The following TOGARAM1 variants were observed in gnomAD, a reference collection of about 807,000 sequenced individuals.
TOGARAM1 encodes TOG array regulator of axonemal microtubules protein 1.
TOGARAM1 carries 100 observed loss-of-function variants against 166.6 expected under a neutral mutation model. The observed-to-expected ratio is 0.60, with a 90% confidence interval of 0.51 to 0.71. The LOEUF is 0.71. Ranked by LOEUF, TOGARAM1 falls within the 30% of genes least tolerant of loss-of-function variation. The probability of loss-of-function intolerance (pLI) is 0.00; values close to 1 mark genes in which losing one functional copy is unlikely to be tolerated. For synonymous variants in TOGARAM1, 758 were observed against 763.8 expected (o/e 0.99, Z 0.13); for missense variants, 2,029 against 2,102.7 (o/e 0.96, Z 0.69).
At chr14:45,045,557 ATATATATATATATATATATATATATATG>A (rs1881959190) in intron 13 of TOGARAM1, among the ~76,000 whole-genome samples, 1 of 33,952 alleles carries the variant, frequency 2.9e-5, no homozygotes, top group Non-Finnish European at 4.8e-5. Context: ...ATATATATAT[ATATATATATATATATATATATATATATG>A]TGTGTGTGTG....
At position 45,073,651 on chromosome 14, in the gene TOGARAM1, T is replaced by G; in HGVS notation, c.*90T>G. ...AAGTTATGTTATCAGTGCCTGCACT[T>G]CACATCCAGCAAATTAAGTCAATGG... On this transcript the variant is annotated 3_prime_UTR_variant, in exon 20 of 20. Coordinates refer to ENST00000361462, the MANE Select transcript of TOGARAM1 (RefSeq NM_001308120.2). 8.1e-7 allele frequency: 1 copy of G among 1,229,188 alleles called. No individual in the cohort carries two copies. Among genetic ancestry groups the G allele is most frequent in the Admixed American group, 2.5e-5 (1 of 40,428 alleles). The allele number at this position is 1,229,188 out of a possible 1,614,324, so 76.1% of individuals were successfully genotyped here.
chr14:44,984,636 G>A (rs184420743), intron 1 of TOGARAM1, among the ~76,000 whole-genome samples: 6 of 151,696 alleles, frequency 4.0e-5, no homozygotes, highest in Admixed American at 1.3e-4. Context: ...TTAGCTGGGC[G>A]TGGTAGTGAG....
rs745649999 is a variant in TOGARAM1 at position 44,962,347 on chromosome 14, T to C, written c.-75T>C. 3 of 1,472,000 alleles carry C rather than the reference T, an allele frequency of 2.0e-6. No individual in the cohort carries two copies. Among genetic ancestry groups the C allele is most frequent in the Admixed American group, 4.7e-5 (2 of 42,664 alleles). 91.2% of individuals were successfully genotyped at this position (1,472,000 alleles called of 1,614,324 possible). On this transcript the variant is annotated 5_prime_UTR_variant, in exon 1 of 20. Transcript: ENST00000361462. ...TGCAGCTTGGGGCTTGGAGAGGATC[T>C]GGAAGTCTGGGCTCCATCGAGCCCT... is the stretch of plus-strand genomic sequence containing the variant.
At chr14:44,969,204 G>C (rs1885747261) in intron 1 of TOGARAM1, among the ~76,000 whole-genome samples, 1 of 143,632 alleles carries the variant, frequency 7.0e-6, no homozygotes, top group African/African-American at 2.7e-5. Flanking sequence ...GCCCAGGCTG[G>C]AGTGCAGTGC....
chr14:45,042,031 A>T (rs1457262978), intron 11 of TOGARAM1: 2 of 152,308 alleles, frequency 1.3e-5, no homozygotes, highest in Non-Finnish European at 2.9e-5. Flanking sequence ...TTAGGATTAT[A>T]GGCGTGAGCC....
At chr14:45,008,698 A>G (rs981818552) in intron 5 of TOGARAM1, among the ~76,000 whole-genome samples, 1 of 152,148 alleles carries the variant, frequency 6.6e-6, no homozygotes, top group Admixed American at 6.5e-5. Context: ...CTTCCTCTCA[A>G]GGAGCTTTCA....
At chr14:45,015,121 T>C (rs1177323602) in intron 7 of TOGARAM1, among the ~76,000 whole-genome samples, 1 of 151,868 alleles carries the variant, frequency 6.6e-6, no homozygotes, top group Admixed American at 6.6e-5. Flanking sequence ...CTGAGCAACA[T>C]AGCAAAACCT....
At chr14:45,038,107 A>G (rs1428581437) in intron 11 of TOGARAM1, among the ~76,000 whole-genome samples, 4 of 152,162 alleles carry the variant, frequency 2.6e-5, no homozygotes, top group Admixed American at 6.6e-5. Flanking sequence ...GGGTTTTTCT[A>G]TGTTACTCGG....
In TOGARAM1 at chr14:45,074,305, G is replaced by C. The variant is rs750476040; in HGVS notation, c.*744G>C. The C allele has an allele frequency of 6.6e-6, 1 of 152,596 alleles. No individual in the cohort carries two copies. The highest frequency in any genetic ancestry group is 1.5e-5 in the Non-Finnish European group (1 of 67,982). 9.5% of individuals were successfully genotyped at this position (152,596 alleles called of 1,614,324 possible). On this transcript the variant is annotated 3_prime_UTR_variant, in exon 20 of 20. Coordinates refer to ENST00000361462, the MANE Select transcript of TOGARAM1 (RefSeq NM_001308120.2). The stretch of plus-strand genomic sequence containing the variant: ...TATAAAGGTGTTATTCTGCTGCCCA[G>C]TTTTGTAATTCTCAAAAATAGTGCC...
At chr14:45,034,407 G>A (rs1237905618) in intron 11 of TOGARAM1, among the ~76,000 whole-genome samples, 2 of 152,162 alleles carry the variant, frequency 1.3e-5, no homozygotes, top group African/African-American at 4.8e-5. Context: ...CAGAATGCCA[G>A]ATAGAGCTCC....
At position 44,964,128 on chromosome 14, in the gene TOGARAM1, G is replaced by C; in HGVS notation, c.1707G>C (p.Val569=). Residue 569 remains valine, a synonymous_variant, in exon 1 of 20, where the codon GTG becomes GTC. Coordinates refer to ENST00000361462, the MANE Select transcript of TOGARAM1 (RefSeq NM_001308120.2). Reference sequence around the variant, plus strand: ...ATGGAGATGGAGTGATGAATGCTGTGCAGGCCAGATTGGCTAGGAAAACCT... The same window carrying C: ...ATGGAGATGGAGTGATGAATGCTGTCCAGGCCAGATTGGCTAGGAAAACCT... ...QDNGDGVMNA[V]QARLARKTLP... 6.2e-7 allele frequency: 1 copy of C among 1,614,234 alleles called. No homozygotes were observed.
intron 8 of TOGARAM1, among the ~76,000 whole-genome samples, 161 bp from the exon 9 acceptor site, chr14:45,027,138 C>G (rs1373914347): frequency 6.6e-6 from 1 of 152,066 alleles, no homozygotes; most frequent in African/African-American, 2.4e-5. Context: ...TATTAATGCC[C>G]TATTAGGGTA....
intron 5 of TOGARAM1, chr14:45,006,481 C>T (rs892273067): frequency 2.5e-6 from 1 of 397,112 alleles, no homozygotes; most frequent in Non-Finnish European, 4.5e-6. Context: ...TAACACTCTA[C>T]TGTATTTTCT....
At chr14:45,070,417 T>C (rs1883327947) in intron 18 of TOGARAM1, among the ~76,000 whole-genome samples, 1 of 152,168 alleles carries the variant, frequency 6.6e-6, no homozygotes, top group Non-Finnish European at 1.5e-5. Flanking sequence ...TTGCTTGATA[T>C]CTGAGTAGCT....
chr14:45,025,917 A>G (rs1170054972), intron 8 of TOGARAM1, 45 bp downstream of exon 8: 1 of 983,612 alleles, frequency 1.0e-6, no homozygotes, highest in Non-Finnish European at 1.6e-6. Flanking sequence ...TATTCATCAT[A>G]TAGAAGCAAA....
Position 45,004,346 on chromosome 14 carries a change from A to T in TOGARAM1, c.2624A>T (p.Asp875Val). ...QKKLVSQKSS[D>V]PTGRNHGENS... ...AAGCTTGTCAGCCAAAAATCGTCTGATCCTACGGGTAGAAATCATGGTAAA... is the reference window on the plus strand; with the variant it reads ...AAGCTTGTCAGCCAAAAATCGTCTGTTCCTACGGGTAGAAATCATGGTAAA... Residue 875 changes from aspartate (D) to valine (V), a missense_variant, in exon 4 of 20, where the codon GAT becomes GTT. This residue lies in a region of TOGARAM1 where 1,453 missense variants were observed against 1,432.2 expected (regional missense o/e 1.01). Transcript: ENST00000361462. The T allele has an allele frequency of 6.2e-7, 1 of 1,613,584 alleles. No homozygotes were observed. Among genetic ancestry groups the T allele is most frequent in the Non-Finnish European group, 8.5e-7 (1 of 1,179,828 alleles).
At chr14:44,979,140 G>T (rs188800183) in intron 1 of TOGARAM1, among the ~76,000 whole-genome samples, 1 of 152,036 alleles carries the variant, frequency 6.6e-6, no homozygotes, top group Non-Finnish European at 1.5e-5. Flanking sequence ...CATAAATTTT[G>T]TATCCCTAAT....
intron 11 of TOGARAM1, among the ~76,000 whole-genome samples, chr14:45,040,243 T>G (rs1351679827): frequency 6.6e-6 from 1 of 152,144 alleles, no homozygotes; most frequent in African/African-American, 2.4e-5. Context: ...AAAGGAAAAT[T>G]ACAAACTATT....
At chr14:45,033,805 A>G (rs951625807) in intron 11 of TOGARAM1, among the ~76,000 whole-genome samples, 3 of 152,210 alleles carry the variant, frequency 2.0e-5, no homozygotes, top group Non-Finnish European at 4.4e-5. Context: ...ACATGGATTA[A>G]CAGGACTGTA....
Sources: gnomAD v4.1 joint callset for allele counts (sites outside exome capture counted in the v4.1 genomes callset) on GRCh38, gnomAD v4.1.1 for gene constraint, gnomAD v4.1.1 regional missense constraint, MANE v1.5 for transcripts, NCBI Gene and HGNC (gene_info 2026-07-23, HGNC 2026-07-21) for gene names.